Variants in FOXO1 observed in about 807,000 individuals in gnomAD.
FOXO1 encodes the protein forkhead box protein O1.
FOXO1 carries 6 observed loss-of-function variants against 44.1 expected under a neutral mutation model. The observed-to-expected ratio is 0.14, with a 90% confidence interval of 0.07 to 0.27. The LOEUF is 0.27. Ranked by LOEUF, FOXO1 falls within the 10% of genes least tolerant of loss-of-function variation. The probability of loss-of-function intolerance (pLI) is 1.00; values close to 1 mark genes in which losing one functional copy is unlikely to be tolerated. For synonymous variants in FOXO1, 380 were observed against 362.7 expected (o/e 1.05, Z -0.54); for missense variants, 737 against 888.8 (o/e 0.83, Z 2.17).
chr13:40,598,861 G>A (rs1408354976), intron 1 of FOXO1, among the ~76,000 whole-genome samples: 1 of 152,120 alleles, frequency 6.6e-6, no homozygotes, highest in African/African-American at 2.4e-5. Context: ...TCGCAAAATG[G>A]TTTATTATTT....
intron 1 of FOXO1, among the ~76,000 whole-genome samples, chr13:40,662,886 C>G (rs1878081307): frequency 6.6e-6 from 1 of 152,206 alleles, no homozygotes; most frequent in Non-Finnish European, 1.5e-5. Context: ...TTTTATGACT[C>G]TTAGAACAGG....
intron 1 of FOXO1, among the ~76,000 whole-genome samples, chr13:40,650,804 G>A (rs776875694): frequency 2.6e-5 from 4 of 152,156 alleles, no homozygotes; most frequent in Non-Finnish European, 2.9e-5. Flanking sequence ...ACCCAGGCTG[G>A]AGTGCAGTGG....
At chr13:40,614,669 C>G (rs1296361113) in intron 1 of FOXO1, among the ~76,000 whole-genome samples, 1 of 152,160 alleles carries the variant, frequency 6.6e-6, no homozygotes, top group Non-Finnish European at 1.5e-5. Flanking sequence ...GGCCAGCCTT[C>G]CAACCCCTCG....
intron 1 of FOXO1, among the ~76,000 whole-genome samples, chr13:40,582,242 CTTAA>C (rs945691823): frequency 2.6e-5 from 4 of 152,312 alleles, no homozygotes; most frequent in African/African-American, 9.6e-5. Context: ...ATGTACACAT[CTTAA>C]TTAAAAACTT....
At chr13:40,630,566 A>T (rs547869589) in intron 1 of FOXO1, among the ~76,000 whole-genome samples, 24 of 152,116 alleles carry the variant, frequency 1.6e-4, no homozygotes, top group Middle Eastern at 3.4e-3. Context: ...GAGGCAGGAT[A>T]ATTGCTTGAA....
At position 40,645,948 on chromosome 13, in the gene FOXO1, C is replaced by T. The variant is rs529446704; in HGVS notation, c.630+19635G>A. ...GGGCATGGTGGCGCTTGCTGTAATC[C>T]CAGCTACTCCGGTGAGGCTGAGGCA... On this transcript the variant is annotated intron_variant, in intron 1 of 2. Coordinates refer to ENST00000379561, the MANE Select transcript of FOXO1 (RefSeq NM_002015.4). Among the ~76,000 whole-genome samples the T allele has an allele frequency of 9.1e-4, 139 of 152,006 alleles. 1 individual carries two copies. The highest frequency in any genetic ancestry group is 3.3e-3 in the African/African-American group (137 of 41,464).
At chr13:40,632,161 C>T (rs12584715) in intron 1 of FOXO1, among the ~76,000 whole-genome samples, 14,863 of 152,066 alleles carry the variant, frequency 0.098, 920 homozygotes, top group East Asian at 0.24. Context: ...GTCCCAGCTA[C>T]TCAGGAGGCT....
chr13:40,590,365 G>C (rs1280156655), intron 1 of FOXO1, among the ~76,000 whole-genome samples: 1 of 152,180 alleles, frequency 6.6e-6, no homozygotes, highest in Non-Finnish European at 1.5e-5. Context: ...TCCTTGCTAA[G>C]ACTCTTCGGT....
chr13:40,561,642 A>G (rs1874022634), intron 1 of FOXO1, among the ~76,000 whole-genome samples: 1 of 151,876 alleles, frequency 6.6e-6, no homozygotes, highest in East Asian at 1.9e-4. Context: ...ACTTACAGAA[A>G]CAAAAAAGAC....
chr13:40,665,295 C>T (rs1434951965), intron 1 of FOXO1, among the ~76,000 whole-genome samples: 10 of 152,282 alleles, frequency 6.6e-5, no homozygotes, highest in African/African-American at 4.8e-5. Flanking sequence ...CACTGGCAAA[C>T]TTTTCGGCCT....
chr13:40,646,172 T>C (rs1322257952), intron 1 of FOXO1, among the ~76,000 whole-genome samples: 2 of 151,930 alleles, frequency 1.3e-5, no homozygotes, highest in Non-Finnish European at 2.9e-5. Flanking sequence ...ATGATGGATA[T>C]CAGCCTTAGA....
intron 1 of FOXO1, chr13:40,611,131 T>G: frequency 2.3e-6 from 1 of 434,090 alleles, no homozygotes; most frequent in Non-Finnish European, 4.6e-6. Flanking sequence ...TCATCGTGAC[T>G]GAGGATAAAA....
At position 40,666,161 on chromosome 13, in the gene FOXO1, G is replaced by A. The variant is rs1006100999; in HGVS notation, c.52C>T (p.Pro18Ser). Residue 18 changes from proline (P) to serine (S), a missense_variant, in exon 1 of 3, where the codon CCC becomes TCC. By Grantham distance (74) the Pro-to-Ser change is moderately conservative. Around this residue, in one of 7 missense-constraint regions of FOXO1, gnomAD observed 213 missense variants for 236.4 expected, o/e 0.90. Coordinates refer to ENST00000379561, the MANE Select transcript of FOXO1 (RefSeq NM_002015.4). Reference sequence around the variant, plus strand: ...GGCCAGGTGCACGAGCGCGGCCGGGGCAGCGGCTCGAAGTCCGGGTCGATC... The same window carrying A: ...GGCCAGGTGCACGAGCGCGGCCGGGACAGCGGCTCGAAGTCCGGGTCGATC... Reference protein sequence around the residue: ...VEIDPDFEPLPRPRSCTWPLP... With the variant: ...VEIDPDFEPLSRPRSCTWPLP... The A allele has an allele frequency of 1.6e-5, 23 of 1,462,890 alleles. No individual in the cohort carries two copies. In the Admixed American group the frequency reaches 1.9e-4, roughly 12 times the overall value. 90.6% of individuals were successfully genotyped at this position (1,462,890 alleles called of 1,614,324 possible).
At chr13:40,630,849 A>C (rs1304784125) in intron 1 of FOXO1, among the ~76,000 whole-genome samples, 1 of 152,172 alleles carries the variant, frequency 6.6e-6, no homozygotes, top group Non-Finnish European at 1.5e-5. Context: ...AAGTTGCCTT[A>C]AAGTATAATA....
chr13:40,623,718 GTTCT>G lies in FOXO1; in HGVS notation c.630+41861_630+41864del, dbSNP rs146729766. On this transcript the variant is annotated intron_variant, in intron 1 of 2. Coordinates refer to ENST00000379561, the MANE Select transcript of FOXO1 (RefSeq NM_002015.4). ...ACACTATATCTGGAGAACTAGATGA[GTTCT>G]TTATTAACACACTTTAAGAAGGACA... 3.4e-3 allele frequency among the ~76,000 whole-genome samples: 512 copies of G among 152,174 alleles called. 8 individuals carry two copies. The highest frequency in any genetic ancestry group is 0.012 in the African/African-American group (499 of 41,492).
Position 40,558,293 on chromosome 13 carries a change from A to G in FOXO1, c.*756T>C, listed in dbSNP as rs1164593653. The G allele has an allele frequency of 1.3e-5, 2 of 152,694 alleles. No individual in the cohort carries two copies. The highest frequency in any genetic ancestry group is 6.5e-5 in the Admixed American group (1 of 15,290). The allele number at this position is 152,694 out of a possible 1,614,324, so 9.5% of individuals were successfully genotyped here. A position where few individuals can be genotyped will look rare whatever the true frequency, so the allele number is the denominator to read the frequency against. On this transcript the variant is annotated 3_prime_UTR_variant, in exon 3 of 3. Coordinates refer to ENST00000379561, the MANE Select transcript of FOXO1 (RefSeq NM_002015.4). The stretch of plus-strand genomic sequence containing the variant: ...AAAAATGTTCTTAAGTCCCAACAAT[A>G]ACATCAAAAATCATTTATCTGGAAA...
intron 1 of FOXO1, among the ~76,000 whole-genome samples, chr13:40,656,345 A>G (rs373096918): frequency 8.5e-5 from 13 of 152,354 alleles, no homozygotes; most frequent in Non-Finnish European, 1.3e-4. Flanking sequence ...TGCCTTAAGT[A>G]TATTTTGAAA....
chr13:40,662,157 T>C (rs925652970), intron 1 of FOXO1, among the ~76,000 whole-genome samples: 9 of 110,426 alleles, frequency 8.2e-5, no homozygotes, highest in African/African-American at 3.4e-4. Flanking sequence ...GGCAACAGAG[T>C]GAGACTCTGA....
chr13:40,587,167 G>A (rs146161594), intron 1 of FOXO1, among the ~76,000 whole-genome samples: 1 of 151,526 alleles, frequency 6.6e-6, no homozygotes, highest in East Asian at 1.9e-4. Context: ...TGAATCCAAA[G>A]TCAGAAGGGC....
Sources: allele counts gnomAD v4.1 joint callset (sites outside exome capture counted in the v4.1 genomes callset), GRCh38; gene constraint gnomAD v4.1.1; regional missense constraint gnomAD v4.1.1; transcripts MANE v1.5; gene names NCBI Gene and HGNC (gene_info 2026-07-23, HGNC 2026-07-21).